The following AAK1 variants were observed in gnomAD, a reference collection of about 807,000 sequenced individuals.
AAK1 encodes AP2-associated protein kinase 1.
A neutral mutation model predicts 116.0 loss-of-function variants in AAK1; 37 were observed. The ratio of observed to expected loss-of-function variants is 0.32; its 90% CI spans 0.25 to 0.42. AAK1 has a LOEUF of 0.42. Ranked by LOEUF, AAK1 falls within the 10% of genes least tolerant of loss-of-function variation. AAK1 has a pLI of 1.00. For synonymous variants in AAK1, 458 were observed against 439.9 expected (o/e 1.04, Z -0.51); for missense variants, 919 against 1,170.6 (o/e 0.79, Z 3.14).
Position 69,607,395 on chromosome 2 carries a change from T to C in AAK1, c.163+35483A>G, listed in dbSNP as rs147973972. On this transcript the variant is annotated intron_variant, in intron 2 of 21. Coordinates refer to ENST00000409085, the MANE Select transcript of AAK1 (RefSeq NM_014911.5). Reference sequence around the variant, plus strand: ...GAGGAGGGGTCATCGTATGGCCTTGTAAGAAACAGGAAAGACTTTGCCTTG... The same window carrying C: ...GAGGAGGGGTCATCGTATGGCCTTGCAAGAAACAGGAAAGACTTTGCCTTG... Among the ~76,000 whole-genome samples, 759 of 152,312 alleles carry C rather than the reference T, an allele frequency of 5.0e-3. 5 individuals are homozygous for C. Among genetic ancestry groups the C allele is most frequent in the African/African-American group, 0.016 (658 of 41,564 alleles).
rs1674665789 is a variant in AAK1 at position 69,471,202 on chromosome 2, A to C, written c.*4667T>G. 1.0e-6 allele frequency: 1 copy of C among 985,490 alleles called. No individual in the cohort carries two copies. The highest frequency in any genetic ancestry group is 1.7e-5 in the African/African-American group (1 of 57,378). 61.0% of individuals were successfully genotyped at this position (985,490 alleles called of 1,614,324 possible). A position where few individuals can be genotyped will look rare whatever the true frequency, so the allele number is the denominator to read the frequency against. On this transcript the variant is annotated 3_prime_UTR_variant, in exon 22 of 22. Transcript: ENST00000409085. ...GGTCACTACATCAAAGTGTGAACCA[A>C]GAACGTGTCTTTAATTCTAGCAACT... is the stretch of plus-strand genomic sequence containing the variant.
At chr2:69,639,620 G>A (rs1425394152) in intron 2 of AAK1, among the ~76,000 whole-genome samples, 3 of 152,124 alleles carry the variant, frequency 2.0e-5, no homozygotes, top group Non-Finnish European at 4.4e-5. Context: ...GCTCCTTGGG[G>A]TTCTTGCAAT....
At chr2:69,562,674 A>G (rs982357229) in intron 2 of AAK1, among the ~76,000 whole-genome samples, 2 of 152,094 alleles carry the variant, frequency 1.3e-5, no homozygotes, top group African/African-American at 4.8e-5. Flanking sequence ...GGCAGATCAC[A>G]AAGTCAGGAG....
At chr2:69,485,199 A>G (rs1156323762) in intron 17 of AAK1, among the ~76,000 whole-genome samples, 2 of 152,206 alleles carry the variant, frequency 1.3e-5, no homozygotes, top group African/African-American at 4.8e-5. Context: ...TAGCACTCAT[A>G]TATTTGCAAT....
At chr2:69,628,719 C>A (rs1412032839) in intron 2 of AAK1, among the ~76,000 whole-genome samples, 1 of 152,168 alleles carries the variant, frequency 6.6e-6, no homozygotes, top group Non-Finnish European at 1.5e-5. Context: ...AGGAATACTT[C>A]ATCTTCTGAG....
intron 3 of AAK1, among the ~76,000 whole-genome samples, chr2:69,545,262 A>T (rs1670877531): frequency 6.6e-6 from 1 of 152,174 alleles, no homozygotes; most frequent in African/African-American, 2.4e-5. Flanking sequence ...TAGGAACTGG[A>T]AGTGGCCTCA....
At position 69,468,627 on chromosome 2, in the gene AAK1, CAG is replaced by C. The variant is rs1674569865; in HGVS notation, c.*7240_*7241del. 3 of 985,246 alleles carry C rather than the reference CAG, an allele frequency of 3.0e-6. No homozygotes were observed. In the South Asian group the frequency reaches 1.4e-4, roughly 46 times the overall value. The allele number at this position is 985,246 out of a possible 1,614,324, so 61.0% of individuals were successfully genotyped here. A position where few individuals can be genotyped will look rare whatever the true frequency, so the allele number is the denominator to read the frequency against. On this transcript the variant is annotated 3_prime_UTR_variant, in exon 22 of 22. Transcript: ENST00000409085. ...ATAATCCAATGAACACTAGTTTGAA[CAG>C]AGTCAGTGTTTTTTGGAAATTTAAA...
At chr2:69,531,929 G>C in intron 6 of AAK1, 112 bp downstream of exon 6, 1 of 1,483,522 alleles carries the variant, frequency 6.7e-7, no homozygotes, top group Non-Finnish European at 9.2e-7. Flanking sequence ...TGAGATGAAG[G>C]ACAACTGACT....
Position 69,482,707 on chromosome 2 carries a change from T to C in AAK1, c.2467+4A>G. 1 of 1,598,016 alleles carries C rather than the reference T, an allele frequency of 6.3e-7. No individual in the cohort carries two copies. Among genetic ancestry groups the C allele is most frequent in the Non-Finnish European group, 8.6e-7 (1 of 1,165,446 alleles). ...GACTGAAGAAACAGAGATGATGACT[T>C]TACCAATTACAGCATCAGAAGTGCT... On this transcript the variant is annotated splice_donor_region_variant and intron_variant, in intron 18 of 21. Transcript: ENST00000409085.
chr2:69,512,903 A>T (rs1280662179), intron 13 of AAK1, among the ~76,000 whole-genome samples: 3 of 152,174 alleles, frequency 2.0e-5, no homozygotes, highest in Non-Finnish European at 4.4e-5. Flanking sequence ...TTATAATTAA[A>T]CTTAAACACA....
intron 5 of AAK1, among the ~76,000 whole-genome samples, chr2:69,541,542 A>G (rs1019139636): frequency 7.9e-5 from 12 of 152,156 alleles, no homozygotes; most frequent in Admixed American, 7.9e-4. Context: ...TGAATTATAT[A>G]CTTTAAAGCA....
At chr2:69,478,688 A>T (rs1317245451) in intron 20 of AAK1, 3 of 349,448 alleles carry the variant, frequency 8.6e-6, no homozygotes, top group Non-Finnish European at 1.6e-5. Context: ...TCCTAGGCTC[A>T]AGTGATCCTC....
intron 2 of AAK1, among the ~76,000 whole-genome samples, chr2:69,623,506 T>C (rs955982802): frequency 6.6e-6 from 1 of 152,154 alleles, no homozygotes; most frequent in African/African-American, 2.4e-5. Context: ...TTTCTGATCA[T>C]GCCAGCCCCT....
intron 2 of AAK1, among the ~76,000 whole-genome samples, chr2:69,607,856 T>C (rs1673878551): frequency 6.6e-6 from 1 of 152,204 alleles, no homozygotes; most frequent in South Asian, 2.1e-4. Flanking sequence ...GGGAAGAGCC[T>C]GATAATCTCA....
In AAK1 at chr2:69,475,609, T is replaced by A; in HGVS notation, c.*260A>T. On this transcript the variant is annotated 3_prime_UTR_variant, in exon 22 of 22. Coordinates refer to ENST00000409085, the MANE Select transcript of AAK1 (RefSeq NM_014911.5). ...AAGCTCATGGCATCTAGTGCTTGAT[T>A]TAAGATAATGCTATTGAAGAAGGGT... The A allele has an allele frequency of 4.1e-6, 5 of 1,229,226 alleles. No individual in the cohort carries two copies. Among genetic ancestry groups the A allele is most frequent in the Non-Finnish European group, 5.1e-6 (5 of 979,036 alleles). 76.1% of individuals were successfully genotyped at this position (1,229,226 alleles called of 1,614,324 possible). A position where few individuals can be genotyped will look rare whatever the true frequency, so the allele number is the denominator to read the frequency against.
intron 2 of AAK1, among the ~76,000 whole-genome samples, chr2:69,587,232 T>C (rs537693346): frequency 6.6e-6 from 1 of 151,174 alleles, no homozygotes; most frequent in Non-Finnish European, 1.5e-5. Flanking sequence ...CTACAGGGGC[T>C]TGCCACCATG....
intron 2 of AAK1, among the ~76,000 whole-genome samples, chr2:69,571,946 A>G (rs953706874): frequency 7.2e-5 from 11 of 152,232 alleles, no homozygotes; most frequent in Non-Finnish European, 1.6e-4. Flanking sequence ...GAAAGCAATC[A>G]CAGAGAAGAG....
At chr2:69,492,518 CTTTTT>C (rs987331929) in intron 17 of AAK1, among the ~76,000 whole-genome samples, 1 of 83,402 alleles carries the variant, frequency 1.2e-5, no homozygotes, top group Non-Finnish European at 2.1e-5. Flanking sequence ...CTGGCCAATT[CTTTTT>C]TTTTTTTTTT....
intron 3 of AAK1, among the ~76,000 whole-genome samples, chr2:69,547,919 T>C (rs147134722): frequency 1.3e-5 from 2 of 152,314 alleles, no homozygotes; most frequent in East Asian, 3.9e-4. Context: ...GAATGAAATA[T>C]TGATACATGC....
Sources: allele counts gnomAD v4.1 joint callset (sites outside exome capture counted in the v4.1 genomes callset), GRCh38; gene constraint gnomAD v4.1.1; transcripts MANE v1.5; gene names NCBI Gene and HGNC (gene_info 2026-07-23, HGNC 2026-07-21).